Variants in PLEKHA5 observed in about 807,000 individuals in gnomAD.
PLEKHA5 encodes the protein pleckstrin homology domain-containing family A member 5.
Under a neutral mutation model 181.9 loss-of-function variants are expected in PLEKHA5, and 55 were observed. The observed-to-expected ratio is 0.30, with a 90% confidence interval of 0.24 to 0.38. The LOEUF (loss-of-function observed/expected upper bound fraction) is 0.38, where lower values mean the gene tolerates loss of function less well. Ranked by LOEUF, PLEKHA5 falls within the 10% of genes least tolerant of loss-of-function variation. The probability of loss-of-function intolerance (pLI) is 1.00; values close to 1 mark genes in which losing one functional copy is unlikely to be tolerated. For synonymous variants in PLEKHA5, 535 were observed against 529.4 expected (o/e 1.01, Z -0.15); for missense variants, 1,432 against 1,549.5 (o/e 0.92, Z 1.27).
chr12:19,199,662 A>T (rs1233560476), intron 3 of PLEKHA5, among the ~76,000 whole-genome samples: 1 of 152,194 alleles, frequency 6.6e-6, no homozygotes, highest in East Asian at 1.9e-4. Context: ...TGAGATACCA[A>T]GTCCCAGCAA....
chr12:19,331,467 A>C (rs946503092), intron 20 of PLEKHA5, among the ~76,000 whole-genome samples: 2 of 152,078 alleles, frequency 1.3e-5, no homozygotes, highest in Admixed American at 1.3e-4. Context: ...AGCCTCCCAA[A>C]CTGCTGGGAT....
intron 7 of PLEKHA5, among the ~76,000 whole-genome samples, chr12:19,263,962 G>A (rs6486944): frequency 0.86 from 130,406 of 152,110 alleles, 57,504 homozygotes; most frequent in Non-Finnish European, 0.97. Context: ...AACTAGGACA[G>A]TGCTTCCATC....
chr12:19,232,990 A>G (rs1373098668), intron 3 of PLEKHA5, among the ~76,000 whole-genome samples: 1 of 152,028 alleles, frequency 6.6e-6, no homozygotes, highest in African/African-American at 2.4e-5. Context: ...GATATTTGAA[A>G]CCTACCTCAG....
chr12:19,359,563 A>G lies in PLEKHA5; in HGVS notation c.3483+17A>G, dbSNP rs376501882. Reference sequence around the variant, plus strand: ...AGCAAAGAGGTAGCGAGATTATTTTATGAAAGGTATTCCAAAGGAATAGAT... The same window carrying G: ...AGCAAAGAGGTAGCGAGATTATTTTGTGAAAGGTATTCCAAAGGAATAGAT... On this transcript the variant is annotated intron_variant, in intron 28 of 31. Transcript: ENST00000429027. The G allele has an allele frequency of 6.5e-5, 104 of 1,610,442 alleles. No homozygotes were observed. In the African/African-American group the frequency reaches 1.2e-3, roughly 19 times the overall value.
At position 19,322,659 on chromosome 12, in the gene PLEKHA5, G is replaced by A; in HGVS notation, c.2440G>A (p.Ala814Thr). 6.2e-7 allele frequency: 1 copy of A among 1,610,694 alleles called. No individual in the cohort carries two copies. Among genetic ancestry groups the A allele is most frequent in the South Asian group, 1.1e-5 (1 of 90,034 alleles). Reference sequence around the variant, plus strand: ...TAGTACGTGTCGAGAACTTTCTCGAGCCACTGCCGTAAGTAGATTTTTTTT... The same window carrying A: ...TAGTACGTGTCGAGAACTTTCTCGAACCACTGCCGTAAGTAGATTTTTTTT... ...LLSTCRELSR[A>T]TAELERAWRE... is the part of the protein sequence containing the mutation. Residue 814 changes from alanine to threonine, a missense_variant, in exon 20 of 32, where the codon GCC becomes ACC. Around this residue, in one of 2 missense-constraint regions of PLEKHA5, gnomAD observed 1,143 missense variants for 1,168.4 expected, o/e 0.98. Coordinates refer to ENST00000429027, the MANE Select transcript of PLEKHA5 (RefSeq NM_001256470.2).
At chr12:19,213,308 A>G (rs2152217883) in intron 3 of PLEKHA5, among the ~76,000 whole-genome samples, 1 of 151,944 alleles carries the variant, frequency 6.6e-6, no homozygotes, top group South Asian at 2.1e-4. Flanking sequence ...TTTCTTTGAA[A>G]AAAAAAAATT....
chr12:19,222,208 T>A (rs2059053284), intron 3 of PLEKHA5, among the ~76,000 whole-genome samples: 1 of 152,148 alleles, frequency 6.6e-6, no homozygotes, highest in South Asian at 2.1e-4. Flanking sequence ...CCAGCTTTCT[T>A]TGAGATTATC....
intron 3 of PLEKHA5, among the ~76,000 whole-genome samples, chr12:19,216,558 G>T (rs2058013989): frequency 6.6e-6 from 1 of 151,966 alleles, no homozygotes; most frequent in South Asian, 2.1e-4. Context: ...ATCTACTTTG[G>T]AGGCTGAGGC....
At chr12:19,326,434 T>G (rs866988188) in intron 20 of PLEKHA5, among the ~76,000 whole-genome samples, 1 of 152,150 alleles carries the variant, frequency 6.6e-6, no homozygotes, top group Non-Finnish European at 1.5e-5. Context: ...GCCCCAAGCA[T>G]AAGGGGTATA....
intron 15 of PLEKHA5, chr12:19,307,432 A>G (rs2084382231): frequency 3.7e-6 from 1 of 267,670 alleles, no homozygotes; most frequent in Non-Finnish European, 7.3e-6. Flanking sequence ...AGATTGTGCC[A>G]TTGCACTCCA....
chr12:19,340,963 G>GA (rs1353742477), intron 21 of PLEKHA5, among the ~76,000 whole-genome samples: 19 of 42,048 alleles, frequency 4.5e-4, no homozygotes, highest in African/African-American at 9.4e-4. Flanking sequence ...AAAAAAAAAA[G>GA]AAAGAAAAGA....
At chr12:19,308,978 C>T (rs1365405064) in intron 15 of PLEKHA5, among the ~76,000 whole-genome samples, 2 of 151,720 alleles carry the variant, frequency 1.3e-5, no homozygotes, top group African/African-American at 4.9e-5. Flanking sequence ...AGGAGAATCA[C>T]TTGAACCCAG....
intron 3 of PLEKHA5, chr12:19,154,077 G>A (rs548666300): frequency 3.3e-5 from 5 of 152,176 alleles, no homozygotes; most frequent in African/African-American, 9.7e-5. Flanking sequence ...TCTGTTAAGT[G>A]TAGAATATGC....
intron 16 of PLEKHA5, among the ~76,000 whole-genome samples, chr12:19,316,969 G>A (rs2089033375): frequency 6.6e-6 from 1 of 152,190 alleles, no homozygotes; most frequent in East Asian, 1.9e-4. Flanking sequence ...CTGAATCATA[G>A]CCACTCAGTT....
chr12:19,220,108 T>C (rs568048851), intron 3 of PLEKHA5, among the ~76,000 whole-genome samples: 87 of 151,404 alleles, frequency 5.7e-4, no homozygotes, highest in African/African-American at 1.7e-3. Flanking sequence ...TGGAAACTGC[T>C]CCCATCCCCA....
intron 7 of PLEKHA5, 30 bp from the exon 8 acceptor site, chr12:19,265,720 A>G (rs2070141818): frequency 2.4e-6 from 3 of 1,254,670 alleles, no homozygotes; most frequent in Non-Finnish European, 3.4e-6. Context: ...AACATTTAAA[A>G]TTCTAATCAG....
intron 29 of PLEKHA5, among the ~76,000 whole-genome samples, chr12:19,364,600 A>T (rs1168207542): frequency 6.6e-6 from 1 of 152,152 alleles, no homozygotes; most frequent in Non-Finnish European, 1.5e-5. Context: ...CAAAGCTATC[A>T]GCTGAAAATC....
intron 2 of PLEKHA5, among the ~76,000 whole-genome samples, chr12:19,132,078 G>C (rs2034072230): frequency 2.0e-5 from 3 of 152,076 alleles, no homozygotes. Flanking sequence ...TCATTCATGA[G>C]TGTTCCACCT....
At chr12:19,248,343 G>A (rs1191623430) in intron 3 of PLEKHA5, among the ~76,000 whole-genome samples, 3 of 152,064 alleles carry the variant, frequency 2.0e-5, no homozygotes, top group East Asian at 1.9e-4. Context: ...GATTACAGGC[G>A]TGTGTCACTA....
Sources: gnomAD v4.1 joint callset for allele counts (sites outside exome capture counted in the v4.1 genomes callset) on GRCh38, gnomAD v4.1.1 for gene constraint, gnomAD v4.1.1 regional missense constraint, MANE v1.5 for transcripts, NCBI Gene and HGNC (gene_info 2026-07-23, HGNC 2026-07-21) for gene names.